Variants in RIN2 observed in about 807,000 individuals in gnomAD.
The protein encoded by RIN2 is RAB5 interacting protein 2.
RIN2 carries 36 observed loss-of-function variants against 78.0 expected under a neutral mutation model. The observed-to-expected ratio is 0.46, with a 90% CI of 0.35 to 0.61. The LOEUF is 0.61. Among genes scored for constraint, RIN2 ranks in the 20% least tolerant of loss-of-function variants. The probability of loss-of-function intolerance (pLI) is 0.00; values close to 1 mark genes in which losing one functional copy is unlikely to be tolerated. For missense variants in RIN2, 1,087 were observed against 1,159.7 expected (o/e 0.94, Z 0.91); for synonymous variants, 466 against 466.8 (o/e 1.00, Z 0.02).
chr20:19,781,456 T>C (rs1367288525), intron 1 of RIN2, among the ~76,000 whole-genome samples: 1 of 152,174 alleles, frequency 6.6e-6, no homozygotes, highest in Non-Finnish European at 1.5e-5. Context: ...ATTCAGGAAA[T>C]CTGACATCTG....
At chr20:19,868,043 G>A (rs991535068) in intron 2 of RIN2, among the ~76,000 whole-genome samples, 13 of 152,202 alleles carry the variant, frequency 8.5e-5, no homozygotes, top group African/African-American at 1.2e-4. Flanking sequence ...ACAAAGAGCC[G>A]AACCAAGCTC....
intron 7 of RIN2, among the ~76,000 whole-genome samples, chr20:19,969,579 G>A (rs2042040693): frequency 6.6e-6 from 1 of 152,102 alleles, no homozygotes; most frequent in Non-Finnish European, 1.5e-5. Flanking sequence ...CATAGATTCT[G>A]TAAATTGTGT....
chr20:19,926,454 T>TG lies in RIN2; in HGVS notation c.58-8640dup, dbSNP rs148365022. 5.1e-3 allele frequency among the ~76,000 whole-genome samples: 783 copies of TG among 152,102 alleles called. 5 individuals carry two copies. Among genetic ancestry groups the TG allele is most frequent in the African/African-American group, 0.017 (722 of 41,474 alleles). On this transcript the variant is annotated intron_variant, in intron 3 of 12. Coordinates refer to ENST00000255006, the MANE Select transcript of RIN2 (RefSeq NM_018993.4). The stretch of plus-strand genomic sequence containing the variant: ...TTTTTGTTTTCCAGGTGACAGTTCC[T>TG]GGGGGCAAAGGTCATTTGAAAGTTT...
chr20:19,869,108 T>C (rs907189892), intron 2 of RIN2, among the ~76,000 whole-genome samples: 4 of 145,692 alleles, frequency 2.7e-5, no homozygotes, highest in Admixed American at 6.9e-5. Context: ...AAAAAAAGTG[T>C]TCACCAGGTG....
intron 2 of RIN2, among the ~76,000 whole-genome samples, chr20:19,803,067 C>T (rs2035296320): frequency 6.6e-6 from 1 of 152,164 alleles, no homozygotes; most frequent in Non-Finnish European, 1.5e-5. Context: ...TCTACCTGCT[C>T]ACTGATTAGT....
intron 3 of RIN2, among the ~76,000 whole-genome samples, chr20:19,912,556 G>A (rs1433407359): frequency 1.5e-5 from 2 of 134,396 alleles, no homozygotes; most frequent in Non-Finnish European, 3.0e-5. Context: ...TCGGCTCACT[G>A]CAACTTCCGC....
chr20:19,791,965 A>C (rs530117245), intron 1 of RIN2, among the ~76,000 whole-genome samples: 10 of 152,312 alleles, frequency 6.6e-5, no homozygotes, highest in African/African-American at 2.4e-4. Flanking sequence ...TGAAAAGGAA[A>C]TGTGTATTTT....
At chr20:19,773,234 C>T (rs993793204) in intron 1 of RIN2, among the ~76,000 whole-genome samples, 2 of 152,194 alleles carry the variant, frequency 1.3e-5, no homozygotes, top group African/African-American at 4.8e-5. Context: ...GATTGGGGCT[C>T]ATCTGATGAC....
At chr20:19,977,878 C>G (rs1328864890) in intron 9 of RIN2, among the ~76,000 whole-genome samples, 1 of 152,066 alleles carries the variant, frequency 6.6e-6, no homozygotes, top group East Asian at 1.9e-4. Context: ...AACTTTTGCA[C>G]TAAAAGCAGT....
rs747832419 is a variant in RIN2, at chr20:19,974,688, G to A, written c.663G>A (p.Pro221=). Residue 221 remains proline, a synonymous_variant, in exon 9 of 13, where the codon CCG becomes CCA. Transcript: ENST00000255006. ...FWSSPADSKP[P]NLPPPHRPLS... Reference sequence around the variant, plus strand: ...GCTCCCCAGCTGACAGCAAACCCCCGAACCTTCCACCTCCCCATAGGCCTC... The same window carrying A: ...GCTCCCCAGCTGACAGCAAACCCCCAAACCTTCCACCTCCCCATAGGCCTC... 3 of 1,613,630 alleles carry A rather than the reference G, an allele frequency of 1.9e-6. No homozygotes were observed. The highest frequency in any genetic ancestry group is 1.7e-4 in the Middle Eastern group (1 of 6,060).
intron 9 of RIN2, among the ~76,000 whole-genome samples, chr20:19,986,087 T>C (rs893140731): frequency 2.0e-5 from 3 of 152,210 alleles, no homozygotes; most frequent in African/African-American, 7.2e-5. Context: ...AAAGAGATCA[T>C]AGAAAAAAAT....
intron 9 of RIN2, among the ~76,000 whole-genome samples, chr20:19,988,741 G>A (rs1453000996): frequency 1.3e-5 from 2 of 152,078 alleles, no homozygotes; most frequent in East Asian, 1.9e-4. Flanking sequence ...TTCCTAACTC[G>A]GAACAGAAAC....
intron 1 of RIN2, among the ~76,000 whole-genome samples, chr20:19,787,706 G>C (rs2034728939): frequency 6.6e-6 from 1 of 152,180 alleles, no homozygotes; most frequent in Non-Finnish European, 1.5e-5. Context: ...CATATACTGA[G>C]TGCTCAATAA....
At chr20:19,791,931 T>A (rs1235221070) in intron 1 of RIN2, among the ~76,000 whole-genome samples, 1 of 152,200 alleles carries the variant, frequency 6.6e-6, no homozygotes, top group East Asian at 1.9e-4. Flanking sequence ...CCCATAATTA[T>A]TATCTTCATT....
chr20:19,916,060 T>G (rs534841479), intron 3 of RIN2, among the ~76,000 whole-genome samples: 1 of 152,212 alleles, frequency 6.6e-6, no homozygotes, highest in African/African-American at 2.4e-5. Context: ...GCCAACATGG[T>G]GAAGCCCTGA....
intron 2 of RIN2, among the ~76,000 whole-genome samples, chr20:19,842,196 TTTTGTTTCTTTGTTTTTTTTG>T (rs1201365732): frequency 3.1e-5 from 4 of 127,840 alleles, no homozygotes; most frequent in African/African-American, 1.2e-4. Flanking sequence ...ACATCTGCTT[TTTTGTTTCTTTGTTTTTTTTG>T]TTTGTTTGTT....
intron 2 of RIN2, among the ~76,000 whole-genome samples, chr20:19,888,328 C>A (rs945071548): frequency 4.6e-5 from 7 of 152,128 alleles, no homozygotes; most frequent in Non-Finnish European, 1.0e-4. Context: ...CCGAAAAAAA[C>A]CTTTGTGCAA....
At chr20:19,840,929 G>A (rs573619433) in intron 2 of RIN2, among the ~76,000 whole-genome samples, 8 of 152,310 alleles carry the variant, frequency 5.3e-5, no homozygotes, top group South Asian at 2.1e-4. Flanking sequence ...ATGTAAGAAC[G>A]TTTCCATCAT....
chr20:19,808,949 G>A (rs2035500936), intron 2 of RIN2, among the ~76,000 whole-genome samples: 3 of 152,200 alleles, frequency 2.0e-5, no homozygotes, highest in African/African-American at 7.2e-5. Flanking sequence ...CCAAGGAAAG[G>A]CCAGAGCCAG....
Sources: gnomAD v4.1 joint callset for allele counts (sites outside exome capture counted in the v4.1 genomes callset) on GRCh38, gnomAD v4.1.1 for gene constraint, MANE v1.5 for transcripts, NCBI Gene and HGNC (gene_info 2026-07-23, HGNC 2026-07-21) for gene names.